The following RAB11FIP4 variants were observed in gnomAD, a reference collection of about 807,000 sequenced individuals.
RAB11FIP4 encodes rab11 family-interacting protein 4.
A neutral mutation model predicts 74.3 loss-of-function variants in RAB11FIP4; 23 were observed. The ratio of observed to expected loss-of-function variants is 0.31; its 90% CI spans 0.22 to 0.44. The LOEUF (loss-of-function observed/expected upper bound fraction) is 0.44. RAB11FIP4 is among the 20% of genes least tolerant of loss of function. RAB11FIP4 has a pLI of 1.00. For missense variants in RAB11FIP4, 630 were observed against 863.9 expected (o/e 0.73, Z 3.39); for synonymous variants, 360 against 359.9 (o/e 1.00, Z 0.00).
Position 31,419,839 on chromosome 17 carries a change from T to C in RAB11FIP4, c.160-11974T>C, listed in dbSNP as rs1012937708. The stretch of plus-strand genomic sequence containing the variant: ...TGCTGGGATTACAGGCATGAGCCAC[T>C]GCGCCCAGCAGGTTTGTAGTTTTCT... On this transcript the variant is annotated intron_variant, in intron 1 of 14. Coordinates refer to ENST00000621161, the MANE Select transcript of RAB11FIP4 (RefSeq NM_032932.6). 3.3e-5 allele frequency among the ~76,000 whole-genome samples: 5 copies of C among 152,168 alleles called. No individual in the cohort carries two copies. In the South Asian group the frequency reaches 6.2e-4, roughly 19 times the overall value.
intron 3 of RAB11FIP4, among the ~76,000 whole-genome samples, chr17:31,453,286 G>C (rs766283937): frequency 2.0e-5 from 3 of 148,032 alleles, no homozygotes; most frequent in Non-Finnish European, 4.4e-5. Context: ...AGGAGGTTGA[G>C]GCTGCAGTGA....
rs558060090 is a variant in RAB11FIP4, at chr17:31,472,982, G to A, written c.336+38860G>A. On this transcript the variant is annotated intron_variant, in intron 3 of 14. Coordinates refer to ENST00000621161, the MANE Select transcript of RAB11FIP4 (RefSeq NM_032932.6). ...TGGGAGGTGGAGGTTGCAGTGAGCC[G>A]AGATTATGCCACTACACTCCAGCCT... 3.9e-5 allele frequency among the ~76,000 whole-genome samples: 6 copies of A among 152,022 alleles called. No individual in the cohort carries two copies. In the East Asian group the frequency reaches 7.8e-4, roughly 20 times the overall value.
intron 1 of RAB11FIP4, among the ~76,000 whole-genome samples, chr17:31,406,922 GTAGT>G (rs374330380): frequency 1.3e-5 from 2 of 150,546 alleles, no homozygotes. Flanking sequence ...CACTTCTTTA[GTAGT>G]TAGACACTTA....
chr17:31,461,185 G>C (rs2071631199), intron 3 of RAB11FIP4, among the ~76,000 whole-genome samples: 1 of 151,688 alleles, frequency 6.6e-6, no homozygotes, highest in Admixed American at 6.6e-5. Context: ...AATACCTTGA[G>C]GCCATTTGCA....
intron 5 of RAB11FIP4, 92 bp downstream of exon 5, chr17:31,521,452 C>G: frequency 8.6e-7 from 1 of 1,157,822 alleles, no homozygotes; most frequent in African/African-American, 1.6e-5. Context: ...GAGTCCTGAG[C>G]TGGCCCTTTT....
chr17:31,524,874 C>G, intron 9 of RAB11FIP4: 1 of 630,048 alleles, frequency 1.6e-6, no homozygotes, highest in East Asian at 2.8e-5. Context: ...GCCCCACCTT[C>G]TGACTGCCAG....
At chr17:31,401,903 G>A (rs373689441) in intron 1 of RAB11FIP4, among the ~76,000 whole-genome samples, 31 of 152,082 alleles carry the variant, frequency 2.0e-4, no homozygotes, top group East Asian at 1.9e-3. Context: ...TTCATATAAC[G>A]AGCTGAAATC....
chr17:31,517,191 C>CGGGGGGGGGGGGGGGGGGGGGGGG (rs537395833), intron 3 of RAB11FIP4, among the ~76,000 whole-genome samples: 2 of 42,700 alleles, frequency 4.7e-5, no homozygotes. Flanking sequence ...GGAGGCGGTG[C>CGGGGGGGGGGGGGGGGGGGGGGGG]GGGGGGGGGG....
At chr17:31,505,591 ATATAT>A (rs1567681382) in intron 3 of RAB11FIP4, among the ~76,000 whole-genome samples, 45 of 72,758 alleles carry the variant, frequency 6.2e-4, no homozygotes, top group East Asian at 5.0e-3. Flanking sequence ...AATAATAATT[ATATAT>A]TATATAATAA....
At chr17:31,414,845 CA>C (rs1324417823) in intron 1 of RAB11FIP4, among the ~76,000 whole-genome samples, 1 of 152,240 alleles carries the variant, frequency 6.6e-6, no homozygotes, top group Non-Finnish European at 1.5e-5. Flanking sequence ...AACCAGGAAG[CA>C]ATGCAAAATA....
rs557110640 is a variant in RAB11FIP4, at chr17:31,482,191, G to A, written c.337-35460G>A. Among the ~76,000 whole-genome samples, 15 of 152,318 alleles carry A rather than the reference G, an allele frequency of 9.8e-5. No homozygotes were observed. In the East Asian group the frequency reaches 2.9e-3, roughly 29 times the overall value. The stretch of plus-strand genomic sequence containing the variant: ...ACTGGGTTTGGTGGGAAGAGGCAGA[G>A]GAAGGAGTGGTCAGAGAAGATGCCA... On this transcript the variant is annotated intron_variant, in intron 3 of 14. Coordinates refer to ENST00000621161, the MANE Select transcript of RAB11FIP4 (RefSeq NM_032932.6).
At chr17:31,428,441 C>T (rs2071274696) in intron 1 of RAB11FIP4, among the ~76,000 whole-genome samples, 1 of 152,058 alleles carries the variant, frequency 6.6e-6, no homozygotes, top group African/African-American at 2.4e-5. Context: ...CTCTGCAGGC[C>T]CCGGGTGCCC....
rs199789204 is a variant in RAB11FIP4, at chr17:31,523,945, A to G, written c.1082A>G (p.Asn361Ser). 299 of 1,612,724 alleles carry G rather than the reference A, an allele frequency of 1.9e-4. 4 individuals carry two copies. Among genetic ancestry groups the G allele is most frequent in the Admixed American group, 2.3e-4 (14 of 59,878 alleles). ...VTELENDSLT[N>S]GDLKSKLKQE... ...GAGCTGGAGAATGACAGCCTGACCA[A>G]TGGGGACCTGAAGAGCAAGCTGAAG... is the stretch of plus-strand genomic sequence containing the variant. Residue 361 changes from asparagine to serine, a missense_variant, in exon 9 of 15, where the codon AAT becomes AGT. Coordinates refer to ENST00000621161, the MANE Select transcript of RAB11FIP4 (RefSeq NM_032932.6).
At chr17:31,510,319 G>C (rs114494545) in intron 3 of RAB11FIP4, among the ~76,000 whole-genome samples, 1 of 152,220 alleles carries the variant, frequency 6.6e-6, no homozygotes, top group Non-Finnish European at 1.5e-5. Context: ...CCTGGCAACC[G>C]CTGGACTCCC....
At chr17:31,505,545 T>A (rs1397006549) in intron 3 of RAB11FIP4, among the ~76,000 whole-genome samples, 1,629 of 88,346 alleles carry the variant, frequency 0.018, 81 homozygotes, top group African/African-American at 0.076. Flanking sequence ...TATTATATAT[T>A]ATATATAATA....
intron 3 of RAB11FIP4, among the ~76,000 whole-genome samples, chr17:31,495,617 C>T (rs1455868326): frequency 6.6e-6 from 1 of 152,148 alleles, no homozygotes; most frequent in Non-Finnish European, 1.5e-5. Context: ...CCACCTTGGC[C>T]TCCCAAAGTG....
At chr17:31,435,015 G>T (rs945056065) in intron 3 of RAB11FIP4, among the ~76,000 whole-genome samples, 2 of 152,002 alleles carry the variant, frequency 1.3e-5, no homozygotes, top group Non-Finnish European at 2.9e-5. Flanking sequence ...ATGAGACCCC[G>T]TCTCTACATA....
chr17:31,521,130 A>C, intron 4 of RAB11FIP4, 36 bp from the exon 5 acceptor site: 1 of 1,467,688 alleles, frequency 6.8e-7, no homozygotes, highest in Non-Finnish European at 9.1e-7. Flanking sequence ...GGGACCCATG[A>C]GTCCTCCTCT....
At chr17:31,463,635 C>A (rs1313614237) in intron 3 of RAB11FIP4, among the ~76,000 whole-genome samples, 1 of 152,012 alleles carries the variant, frequency 6.6e-6, no homozygotes, top group Non-Finnish European at 1.5e-5. Context: ...TCCCGAGTAG[C>A]TGGGATTACA....
Sources: gnomAD v4.1 joint callset for allele counts (sites outside exome capture counted in the v4.1 genomes callset) on GRCh38, gnomAD v4.1.1 for gene constraint, MANE v1.5 for transcripts, NCBI Gene and HGNC (gene_info 2026-07-23, HGNC 2026-07-21) for gene names.